KCNJ6: variants seen among roughly 807,000 people sequenced by gnomAD.
KCNJ6 encodes the protein G protein-activated inward rectifier potassium channel 2.
In KCNJ6, 9 loss-of-function variants were observed where a neutral mutation model predicts 34.2. That is an observed-to-expected ratio of 0.26 (90% CI 0.16 to 0.46). The LOEUF (loss-of-function observed/expected upper bound fraction) is 0.46, where lower values mean the gene tolerates loss of function less well. Ranked by LOEUF, KCNJ6 falls within the 20% of genes least tolerant of loss-of-function variation. The pLI, the probability that KCNJ6 is intolerant of heterozygous loss-of-function variation, is 1.00. For missense variants in KCNJ6, 236 were observed against 531.3 expected, an observed-to-expected ratio of 0.44 and a Z score of 5.46; for synonymous variants, 196 against 207.1, an observed-to-expected ratio of 0.95 and a Z score of 0.46.
chr21:37,684,232 C>G (rs1245579852), intron 3 of KCNJ6, among the ~76,000 whole-genome samples: 1 of 152,168 alleles, frequency 6.6e-6, no homozygotes, highest in Non-Finnish European at 1.5e-5. Flanking sequence ...AGGCCTCTCC[C>G]CCGGGTTATG....
intron 1 of KCNJ6, among the ~76,000 whole-genome samples, chr21:37,911,457 T>C (rs1229078355): frequency 6.6e-6 from 1 of 152,148 alleles, no homozygotes; most frequent in Non-Finnish European, 1.5e-5. Flanking sequence ...TTATTGAAGA[T>C]AAAATGAAGA....
intron 1 of KCNJ6, among the ~76,000 whole-genome samples, chr21:37,844,535 T>C (rs1225658638): frequency 2.0e-5 from 3 of 152,018 alleles, no homozygotes; most frequent in African/African-American, 7.2e-5. Flanking sequence ...ATCAGTTCTT[T>C]AGCAAGTGAG....
At chr21:37,817,875 C>CT (rs1321368815) in intron 2 of KCNJ6, among the ~76,000 whole-genome samples, 1 of 152,150 alleles carries the variant, frequency 6.6e-6, no homozygotes, top group Non-Finnish European at 1.5e-5. Flanking sequence ...CAACAGAACT[C>CT]TTTTTGTATC....
rs2055219525 is a variant in KCNJ6, at chr21:37,792,079, A to G, written c.25+48579T>C. 2.6e-5 allele frequency among the ~76,000 whole-genome samples: 4 copies of G among 152,240 alleles called. No individual in the cohort carries two copies. The South Asian group carries it at 8.3e-4, about 31-fold the overall frequency. Reference sequence around the variant, plus strand: ...GTCCAGTTGTAATGTGGTCTATTTAATTGCTAACGAATACACAGAGGTGCA... The same window carrying G: ...GTCCAGTTGTAATGTGGTCTATTTAGTTGCTAACGAATACACAGAGGTGCA... On this transcript the variant is annotated intron_variant, in intron 2 of 3. Transcript: ENST00000609713.
At position 37,896,671 on chromosome 21, in the gene KCNJ6, G is replaced by A. The variant is rs77407623; in HGVS notation, c.-28+19213C>T. ...CCTGGGGGAGACTCAAGGGTGGCACGTGGGCTTGGGGATGAACAAACTCAT... is the reference window on the plus strand; with the variant it reads ...CCTGGGGGAGACTCAAGGGTGGCACATGGGCTTGGGGATGAACAAACTCAT... On this transcript the variant is annotated intron_variant, in intron 1 of 3. Coordinates refer to ENST00000609713, the MANE Select transcript of KCNJ6 (RefSeq NM_002240.5). 1.2e-3 allele frequency among the ~76,000 whole-genome samples: 184 copies of A among 152,280 alleles called. 3 individuals are homozygous for A. The East Asian group carries it at 0.02, about 17-fold the overall frequency.
chr21:37,700,665 CCT>C (rs1489972039), intron 3 of KCNJ6, among the ~76,000 whole-genome samples: 2 of 151,992 alleles, frequency 1.3e-5, no homozygotes, highest in Non-Finnish European at 2.9e-5. Context: ...CGGCCAAGCC[CCT>C]GAGAGGAAAG....
rs529175729 is a variant in KCNJ6 at position 37,767,547 on chromosome 21, C to T, written c.26-52416G>A. On this transcript the variant is annotated intron_variant, in intron 2 of 3. Coordinates refer to ENST00000609713, the MANE Select transcript of KCNJ6 (RefSeq NM_002240.5). ...CTGAACTCTCACCACTCCCCAGCCC[C>T]AGTGAGAGTGACAGGGAGAGGCAGG... 1.2e-4 allele frequency among the ~76,000 whole-genome samples: 19 copies of T among 152,274 alleles called. No individual in the cohort carries two copies. In the South Asian group the frequency reaches 3.9e-3, roughly 32 times the overall value.
At chr21:37,735,262 G>A (rs1329462039) in intron 2 of KCNJ6, among the ~76,000 whole-genome samples, 1 of 152,184 alleles carries the variant, frequency 6.6e-6, no homozygotes, top group Non-Finnish European at 1.5e-5. Context: ...CAGAGGGTAA[G>A]ATGAAAGTAA....
chr21:37,652,974 T>C lies in KCNJ6; in HGVS notation c.947-27490A>G, dbSNP rs542032404. Among the ~76,000 whole-genome samples, 9 of 152,268 alleles carry C rather than the reference T, an allele frequency of 5.9e-5. 1 individual carries two copies. Among genetic ancestry groups the C allele is most frequent in the African/African-American group, 1.9e-4 (8 of 41,544 alleles). On this transcript the variant is annotated intron_variant, in intron 3 of 3. Coordinates refer to ENST00000609713, the MANE Select transcript of KCNJ6 (RefSeq NM_002240.5). ...CTTTGTGGAGCCTGGGAGAGCACATTGAACAGAAAAATTACTGGGCAGCGT... is the reference window on the plus strand; with the variant it reads ...CTTTGTGGAGCCTGGGAGAGCACATCGAACAGAAAAATTACTGGGCAGCGT...
chr21:37,655,286 T>A lies in KCNJ6; in HGVS notation c.947-29802A>T, dbSNP rs73904020. Reference sequence around the variant, plus strand: ...GAGAGAGAGAGAGAGAGAGAGAGAGTGTAACCATGAAGAGGTAATTGATAC... The same window carrying A: ...GAGAGAGAGAGAGAGAGAGAGAGAGAGTAACCATGAAGAGGTAATTGATAC... On this transcript the variant is annotated intron_variant, in intron 3 of 3. Transcript: ENST00000609713. 9.3e-4 allele frequency among the ~76,000 whole-genome samples: 93 copies of A among 100,514 alleles called. 1 individual carries two copies. Among genetic ancestry groups the A allele is most frequent in the African/African-American group, 3.8e-3 (63 of 16,724 alleles). The allele number at this position is 100,514 out of a possible 152,430, so 65.9% of individuals were successfully genotyped here.
At chr21:37,882,611 G>A (rs1264916110) in intron 1 of KCNJ6, among the ~76,000 whole-genome samples, 1 of 152,166 alleles carries the variant, frequency 6.6e-6, no homozygotes, top group Admixed American at 6.5e-5. Context: ...ATTCCTCATG[G>A]TTTATAGAAA....
At chr21:37,890,780 A>C (rs1218184369) in intron 1 of KCNJ6, among the ~76,000 whole-genome samples, 1 of 152,156 alleles carries the variant, frequency 6.6e-6, no homozygotes, top group Non-Finnish European at 1.5e-5. Context: ...TCACATCGGT[A>C]CAATTCAGGA....
At chr21:37,900,858 A>C (rs2055813602) in intron 1 of KCNJ6, among the ~76,000 whole-genome samples, 2 of 151,934 alleles carry the variant, frequency 1.3e-5, no homozygotes, top group Admixed American at 1.3e-4. Flanking sequence ...TCTGCAAACC[A>C]CTCCTCATTC....
At chr21:37,839,054 C>T (rs1406295006) in intron 2 of KCNJ6, among the ~76,000 whole-genome samples, 1 of 152,214 alleles carries the variant, frequency 6.6e-6, no homozygotes, top group African/African-American at 2.4e-5. Context: ...ATGCCAGCAC[C>T]ATGCTTCCTG....
At chr21:37,691,273 G>T (rs980043803) in intron 3 of KCNJ6, among the ~76,000 whole-genome samples, 1 of 152,176 alleles carries the variant, frequency 6.6e-6, no homozygotes. Flanking sequence ...GTGTAGGGGG[G>T]CCTCTGTCAG....
chr21:37,758,870 A>T (rs541428678), intron 2 of KCNJ6, among the ~76,000 whole-genome samples: 6 of 152,088 alleles, frequency 3.9e-5, no homozygotes, highest in Non-Finnish European at 7.4e-5. Flanking sequence ...AGCTCCAGTG[A>T]TCCTCCTGCC....
Position 37,625,054 on chromosome 21 carries a change from T to A in KCNJ6, c.*105A>T. ...TTTCTGGTCATGTAAAAATTAAATA[T>A]AAACAAATAAAGAACAAAGCAAGAG... On this transcript the variant is annotated 3_prime_UTR_variant, in exon 4 of 4. Coordinates refer to ENST00000609713, the MANE Select transcript of KCNJ6 (RefSeq NM_002240.5). 1 of 873,520 alleles carries A rather than the reference T, an allele frequency of 1.1e-6. No individual in the cohort carries two copies. Among genetic ancestry groups the A allele is most frequent in the Admixed American group, 2.3e-5 (1 of 42,938 alleles). The allele number at this position is 873,520 out of a possible 1,614,324, so 54.1% of individuals were successfully genotyped here.
At chr21:37,823,103 C>G (rs2055381841) in intron 2 of KCNJ6, among the ~76,000 whole-genome samples, 2 of 152,142 alleles carry the variant, frequency 1.3e-5, no homozygotes, top group Non-Finnish European at 2.9e-5. Flanking sequence ...CCGAGCAGCA[C>G]AGCATGGAGA....
intron 2 of KCNJ6, among the ~76,000 whole-genome samples, chr21:37,739,391 C>T (rs2054928573): frequency 6.6e-6 from 1 of 152,026 alleles, no homozygotes; most frequent in African/African-American, 2.4e-5. Flanking sequence ...AAAGGCAGTC[C>T]CTTGGTTGGC....
Sources: gnomAD v4.1 joint callset for allele counts (sites outside exome capture counted in the v4.1 genomes callset) on GRCh38, gnomAD v4.1.1 for gene constraint, MANE v1.5 for transcripts, NCBI Gene and HGNC (gene_info 2026-07-23, HGNC 2026-07-21) for gene names.